Variants in MYH15 observed in about 807,000 individuals in gnomAD.
MYH15 encodes the protein myosin heavy chain 15.
A neutral mutation model predicts 240.5 loss-of-function variants in MYH15; 227 were observed. The observed-to-expected ratio is 0.94, with a 90% CI of 0.85 to 1.05. The LOEUF (loss-of-function observed/expected upper bound fraction) is 1.05. MYH15 is among the 50% of genes least tolerant of loss of function. MYH15 has a pLI of 0.00. For missense variants in MYH15, 2,217 were observed against 2,247.5 expected, an observed-to-expected ratio of 0.99 and a Z score of 0.27; for synonymous variants, 785 against 796.7, an observed-to-expected ratio of 0.99 and a Z score of 0.25.
intron 37 of MYH15, 119 bp downstream of exon 37, chr3:108,391,641 A>T: frequency 9.1e-7 from 1 of 1,095,118 alleles, no homozygotes; most frequent in Non-Finnish European, 1.3e-6. Flanking sequence ...ATCTGAAAGT[A>T]CTAAAAGCAA....
chr3:108,535,348 GCTTT>G, the MYH15 span, among the ~76,000 whole-genome samples: 4 of 152,104 alleles, frequency 2.6e-5, no homozygotes, highest in Non-Finnish European at 5.9e-5. Context: ...TCTGATGAGG[GCTTT>G]CTTTCTGCTG....
chr3:108,416,867 C>T lies in MYH15; in HGVS notation c.3893G>A (p.Ser1298Asn). Residue 1298 changes from serine to asparagine, a missense_variant, in exon 29 of 41, where the codon AGC (serine) becomes AAC (asparagine). Ser to Asn is a conservative substitution (Grantham distance 46, BLOSUM62 1). Transcript: ENST00000693548. Reference protein sequence around the residue: ...ALINQLSREKSNFTRQIEDLR... With the variant: ...ALINQLSREKNNFTRQIEDLR... ...GTCTTCAATCTGCCGAGTGAAGTTG[C>T]TCTTTTCCCTGGAAAGTTGGTTTAT... 1 of 1,614,078 alleles carries T rather than the reference C, an allele frequency of 6.2e-7. No homozygotes were observed. The highest frequency in any genetic ancestry group is 8.5e-7 in the Non-Finnish European group (1 of 1,179,974).
chr3:108,505,773 T>C lies in MYH15; in HGVS notation c.145A>G (p.Lys49Glu). 1.2e-6 allele frequency: 2 copies of C among 1,613,480 alleles called. No homozygotes were observed. The highest frequency in any genetic ancestry group is 1.7e-6 in the Non-Finnish European group (2 of 1,179,818). Residue 49 changes from lysine to glutamate, a missense_variant, in exon 2 of 41, where the codon AAA becomes GAA. Lys to Glu is a moderately conservative substitution (Grantham distance 56). Transcript: ENST00000693548. ...GENAYIEAEV[K>E]GSEDDGTVIV... The stretch of plus-strand genomic sequence containing the variant: ...ACTGTTCCATCATCTTCACTCCCTT[T>C]TACCTCAGCCTCGATATAAGCATTC...
At chr3:108,461,249 C>T (rs1400705183) in intron 16 of MYH15, among the ~76,000 whole-genome samples, 1 of 152,288 alleles carries the variant, frequency 6.6e-6, no homozygotes, top group African/African-American at 2.4e-5. Flanking sequence ...CACTAATGTT[C>T]TTTTGAAACA....
chr3:108,466,586 G>C (rs941001085), intron 14 of MYH15, among the ~76,000 whole-genome samples: 1 of 152,090 alleles, frequency 6.6e-6, no homozygotes, highest in African/African-American at 2.4e-5. Flanking sequence ...TTATGGCAGG[G>C]ACCATACATA....
At chr3:108,507,707 C>T (rs1446275761) in intron 1 of MYH15, among the ~76,000 whole-genome samples, 4 of 152,170 alleles carry the variant, frequency 2.6e-5, no homozygotes, top group Admixed American at 6.5e-5. Context: ...ACTAAAACTG[C>T]TTGGCAAGAG....
intron 35 of MYH15, among the ~76,000 whole-genome samples, chr3:108,396,705 G>GT (rs1308970411): frequency 5.9e-5 from 9 of 152,214 alleles, no homozygotes; most frequent in African/African-American, 2.2e-4. Flanking sequence ...AAAAAAAAAT[G>GT]TTTGAGTTAG....
chr3:108,513,265 G>A (rs1156731550), upstream of MYH15, among the ~76,000 whole-genome samples: 1 of 152,140 alleles, frequency 6.6e-6, no homozygotes, highest in African/African-American at 2.4e-5. Flanking sequence ...ATGTTGAAAG[G>A]AAATTATATT....
the MYH15 span, among the ~76,000 whole-genome samples, chr3:108,544,473 A>C: frequency 6.6e-6 from 1 of 152,190 alleles, no homozygotes; most frequent in African/African-American, 2.4e-5. Context: ...GGCAAACAAA[A>C]TATGCTCCTT....
chr3:108,477,202 G>T (rs2083228871), intron 11 of MYH15, among the ~76,000 whole-genome samples: 2 of 152,238 alleles, frequency 1.3e-5, no homozygotes, highest in South Asian at 4.1e-4. Context: ...ATTATGCTAA[G>T]TGAAAGGAGT....
At chr3:108,515,944 T>TCA (rs981947818) in intron 1 of MYH15, among the ~76,000 whole-genome samples, 2 of 152,122 alleles carry the variant, frequency 1.3e-5, no homozygotes, top group African/African-American at 4.8e-5. Context: ...TCCTGAAAGG[T>TCA]CACACTTTCT....
At chr3:108,382,436 T>C (rs986650001) in intron 40 of MYH15, among the ~76,000 whole-genome samples, 1 of 152,162 alleles carries the variant, frequency 6.6e-6, no homozygotes, top group Non-Finnish European at 1.5e-5. Flanking sequence ...TTATGCATAT[T>C]ATTGGCAACC....
At chr3:108,548,582 CT>C in the MYH15 span, among the ~76,000 whole-genome samples, 1 of 152,068 alleles carries the variant, frequency 6.6e-6, no homozygotes, top group Non-Finnish European at 1.5e-5. Context: ...CTATCTGCCC[CT>C]TTACAGAAAA....
chr3:108,550,362 TATC>T, the MYH15 span: 1 of 151,478 alleles, frequency 6.6e-6, no homozygotes, highest in Non-Finnish European at 1.5e-5. Flanking sequence ...GAATCCAAAT[TATC>T]CTTATGTAAA....
At chr3:108,407,406 TGA>T (rs2082554791) in intron 32 of MYH15, among the ~76,000 whole-genome samples, 1 of 152,312 alleles carries the variant, frequency 6.6e-6, no homozygotes, top group East Asian at 1.9e-4. Context: ...GTTCAAAGGC[TGA>T]GTCAGGAAGA....
Position 108,383,650 on chromosome 3 carries a change from A to C in MYH15, c.5711T>G (p.Val1904Gly). The change falls in exon 40 of 41, where the codon GTG becomes GGG. Residue 1904 changes from valine to glycine, a missense_variant. Transcript: ENST00000693548. Reference protein sequence around the residue: ...ELNEVKERAEVAESQVNKLKI... With the variant: ...ELNEVKERAEGAESQVNKLKI... Reference sequence around the variant, plus strand: ...GAGTTTATTGACTTGAGATTCTGCCACCTCTGCCCTTTCCTTCACTTCATT... The same window carrying C: ...GAGTTTATTGACTTGAGATTCTGCCCCCTCTGCCCTTTCCTTCACTTCATT... The C allele has an allele frequency of 6.2e-7, 1 of 1,611,944 alleles. No homozygotes were observed. Among genetic ancestry groups the C allele is most frequent in the Non-Finnish European group, 8.5e-7 (1 of 1,179,392 alleles).
chr3:108,544,147 G>A, the MYH15 span, among the ~76,000 whole-genome samples: 1 of 152,308 alleles, frequency 6.6e-6, no homozygotes, highest in African/African-American at 2.4e-5. Flanking sequence ...TTGAGAGAGT[G>A]AGAGACAAGT....
chr3:108,489,608 T>C lies in MYH15; in HGVS notation c.871+2892A>G, dbSNP rs894321876. Reference sequence around the variant, plus strand: ...TAGGGGCTGGCTCTGAGGTAACATGTCACCTCATTTCCTTCGCTCCTTCAG... The same window carrying C: ...TAGGGGCTGGCTCTGAGGTAACATGCCACCTCATTTCCTTCGCTCCTTCAG... On this transcript the variant is annotated intron_variant, in intron 9 of 40. Transcript: ENST00000693548. Among the ~76,000 whole-genome samples, 2 of 152,144 alleles carry C rather than the reference T, an allele frequency of 1.3e-5. 1 individual carries two copies. The highest frequency in any genetic ancestry group is 4.8e-5 in the African/African-American group (2 of 41,444).
intron 12 of MYH15, among the ~76,000 whole-genome samples, chr3:108,473,166 C>A (rs1355337914): frequency 6.6e-6 from 1 of 152,128 alleles, no homozygotes; most frequent in African/African-American, 2.4e-5. Flanking sequence ...CACCACAATG[C>A]CCGGCTAATT....
Sources: gnomAD v4.1 joint callset for allele counts (sites outside exome capture counted in the v4.1 genomes callset) on GRCh38, gnomAD v4.1.1 for gene constraint, MANE v1.5 for transcripts, NCBI Gene and HGNC (gene_info 2026-07-23, HGNC 2026-07-21) for gene names.